Variants in SORT1 observed in about 807,000 individuals in gnomAD.
SORT1 encodes the protein sortilin 1, also known as sortilin.
A neutral mutation model predicts 101.7 loss-of-function variants in SORT1; 39 were observed. That is an observed-to-expected ratio of 0.38 (90% CI 0.30 to 0.50). The LOEUF (loss-of-function observed/expected upper bound fraction) is 0.50, where lower values mean the gene tolerates loss of function less well. Among genes scored for constraint, SORT1 ranks in the 20% least tolerant of loss-of-function variants. The probability of loss-of-function intolerance (pLI) is 0.90; values close to 1 mark genes in which losing one functional copy is unlikely to be tolerated. For synonymous variants in SORT1, 396 were observed against 393.7 expected, an observed-to-expected ratio of 1.01 and a Z score of -0.07; for missense variants, 878 against 1,040.4, an observed-to-expected ratio of 0.84 and a Z score of 2.15.
At chr1:109,325,140 G>A (rs185065582) in intron 13 of SORT1, 51 bp from the exon 14 acceptor site, 87 of 1,250,476 alleles carry the variant, frequency 7.0e-5, no homozygotes, top group Admixed American at 2.5e-4. Flanking sequence ...TGTGTACTGG[G>A]AATTCAGAAA....
At chr1:109,371,694 G>A (rs1651491730) in intron 1 of SORT1, among the ~76,000 whole-genome samples, 2 of 152,080 alleles carry the variant, frequency 1.3e-5, no homozygotes, top group African/African-American at 4.8e-5. Flanking sequence ...ACGTGTCACC[G>A]GCAACTCTCA....
chr1:109,351,409 T>G (rs375578310), intron 5 of SORT1, among the ~76,000 whole-genome samples: 6 of 152,302 alleles, frequency 3.9e-5, no homozygotes, highest in African/African-American at 1.4e-4. Flanking sequence ...AGAGATGGTG[T>G]CCTGAAGAAG....
intron 10 of SORT1, among the ~76,000 whole-genome samples, chr1:109,339,706 C>T (rs984529762): frequency 6.6e-6 from 1 of 152,196 alleles, no homozygotes; most frequent in African/African-American, 2.4e-5. Flanking sequence ...ATGGAATTAT[C>T]ATGTGATCCT....
At chr1:109,363,725 G>A (rs59705758) in intron 3 of SORT1, among the ~76,000 whole-genome samples, 2,790 of 152,208 alleles carry the variant, frequency 0.018, 92 homozygotes, top group African/African-American at 0.064. Flanking sequence ...TTTAGTATGC[G>A]AAGATGGTCT....
chr1:109,384,535 A>C (rs922142749), intron 1 of SORT1, among the ~76,000 whole-genome samples: 1 of 152,372 alleles, frequency 6.6e-6, no homozygotes, highest in African/African-American at 2.4e-5. Context: ...AAATGGGAGA[A>C]GATAGCCCCA....
chr1:109,328,914 C>T (rs1030693371), intron 11 of SORT1, among the ~76,000 whole-genome samples: 2 of 152,192 alleles, frequency 1.3e-5, no homozygotes, highest in Admixed American at 6.5e-5. Flanking sequence ...AGGGCCCACC[C>T]CTGCACCAGG....
rs1191112546 is a variant in SORT1, at chr1:109,323,115, T to C, written c.1841A>G (p.Glu614Gly). Residue 614 changes from glutamate to glycine, a missense_variant, in exon 15 of 20, where the codon GAG becomes GGG. Glu to Gly is a moderately conservative substitution (Grantham distance 98). Transcript: ENST00000256637. ...FKDILERNCE[E>G]KDYTIWLAHS... is the part of the protein sequence containing the mutation. ...TGCCAGCCATATGGTATAGTCCTTC[T>C]CTTCACCTAAAGGAGAGACACACTG... is the stretch of plus-strand genomic sequence containing the variant. 6.2e-7 allele frequency: 1 copy of C among 1,613,272 alleles called. No individual in the cohort carries two copies. The highest frequency in any genetic ancestry group is 8.5e-7 in the Non-Finnish European group (1 of 1,179,238).
chr1:109,356,168 G>A (rs571684913), intron 3 of SORT1, among the ~76,000 whole-genome samples: 3 of 152,280 alleles, frequency 2.0e-5, no homozygotes, highest in East Asian at 3.9e-4. Context: ...CACTGTGCCC[G>A]GTCCTACAGA....
intron 9 of SORT1, 56 bp downstream of exon 9, chr1:109,341,958 C>G: frequency 6.5e-7 from 1 of 1,530,114 alleles, no homozygotes; most frequent in Non-Finnish European, 9.0e-7. Flanking sequence ...AAAATAAAAG[C>G]TGCTCAAAGC....
Position 109,310,935 on chromosome 1 carries a change from G to C in SORT1, c.*3108C>G, listed in dbSNP as rs1413272163. On this transcript the variant is annotated 3_prime_UTR_variant, in exon 20 of 20. Transcript: ENST00000256637. ...CTGTCAAGGATGAAAGACCACCTTG[G>C]GCATGGAGAGGCCCAGAGGCAAGCA... 3 of 152,154 alleles carry C rather than the reference G, an allele frequency of 2.0e-5. No individual in the cohort carries two copies. Among genetic ancestry groups the C allele is most frequent in the African/African-American group, 4.8e-5 (2 of 41,398 alleles). The allele number at this position is 152,154 out of a possible 1,614,324, so 9.4% of individuals were successfully genotyped here. A position where few individuals can be genotyped will look rare whatever the true frequency, so the allele number is the denominator to read the frequency against.
At chr1:109,359,303 T>C (rs149458088) in intron 3 of SORT1, among the ~76,000 whole-genome samples, 262 of 152,198 alleles carry the variant, frequency 1.7e-3, no homozygotes, top group African/African-American at 6.2e-3. Flanking sequence ...CCTAATCACT[T>C]ACCGAAGGTC....
At chr1:109,342,244 A>G (rs1649276929) in intron 8 of SORT1, 86 bp from the exon 9 acceptor site, 2 of 993,056 alleles carry the variant, frequency 2.0e-6, no homozygotes, top group Admixed American at 4.6e-5. Context: ...TTAAATAACT[A>G]CTATTATCCA....
At chr1:109,321,546 T>C (rs1647626249) in intron 15 of SORT1, among the ~76,000 whole-genome samples, 1 of 152,182 alleles carries the variant, frequency 6.6e-6, no homozygotes, top group Admixed American at 6.5e-5. Flanking sequence ...AGGTGATCCT[T>C]ACTGAAACAG....
chr1:109,341,857 T>C (rs889679137), intron 9 of SORT1, among the ~76,000 whole-genome samples, 157 bp downstream of exon 9: 2 of 152,198 alleles, frequency 1.3e-5, no homozygotes, highest in African/African-American at 4.8e-5. Context: ...ACAAGTGGCA[T>C]TTTTAACAGG....
chr1:109,346,685 C>T (rs901050912), intron 7 of SORT1, among the ~76,000 whole-genome samples: 4 of 141,500 alleles, frequency 2.8e-5, no homozygotes, highest in African/African-American at 1.1e-4. Context: ...GCGGAGCTTG[C>T]AGTGAGCGGA....
At chr1:109,364,683 T>C (rs954345689) in intron 3 of SORT1, among the ~76,000 whole-genome samples, 4 of 152,210 alleles carry the variant, frequency 2.6e-5, no homozygotes, top group Non-Finnish European at 5.9e-5. Context: ...GCAGTGTGCA[T>C]TTGTAGAAGA....
intron 3 of SORT1, among the ~76,000 whole-genome samples, chr1:109,364,420 G>T (rs1650945744): frequency 6.6e-6 from 1 of 152,176 alleles, no homozygotes; most frequent in African/African-American, 2.4e-5. Flanking sequence ...CTTTGCTACT[G>T]AAGAGTGAAC....
At chr1:109,385,488 A>G (rs1368996820) in intron 1 of SORT1, among the ~76,000 whole-genome samples, 1 of 152,242 alleles carries the variant, frequency 6.6e-6, no homozygotes, top group Non-Finnish European at 1.5e-5. Context: ...GCTACATTTC[A>G]TAATTTTTGC....
intron 3 of SORT1, among the ~76,000 whole-genome samples, chr1:109,357,988 A>G (rs1650445172): frequency 6.6e-6 from 1 of 152,224 alleles, no homozygotes; most frequent in African/African-American, 2.4e-5. Flanking sequence ...CAGCCTGATT[A>G]GTACTAGTTT....
Sources: gnomAD v4.1 joint callset for allele counts (sites outside exome capture counted in the v4.1 genomes callset) on GRCh38, gnomAD v4.1.1 for gene constraint, MANE v1.5 for transcripts, NCBI Gene and HGNC (gene_info 2026-07-23, HGNC 2026-07-21) for gene names.